DLGAP1: variants seen among roughly 807,000 people sequenced by gnomAD.
DLGAP1 encodes the protein disks large-associated protein 1.
In DLGAP1, 11 loss-of-function variants were observed where a neutral mutation model predicts 90.8. The observed-to-expected ratio is 0.12, with a 90% CI of 0.08 to 0.20. The LOEUF is 0.20. Ranked by LOEUF, DLGAP1 falls within the 10% of genes least tolerant of loss-of-function variation. DLGAP1 has a pLI of 1.00. For synonymous variants in DLGAP1, 558 were observed against 540.7 expected (o/e 1.03, Z -0.44); for missense variants, 1,050 against 1,333.8 (o/e 0.79, Z 3.31).
At chr18:3,957,248 A>T (rs761634239) in intron 3 of DLGAP1, among the ~76,000 whole-genome samples, 6 of 152,138 alleles carry the variant, frequency 3.9e-5, no homozygotes, top group Non-Finnish European at 8.8e-5. Context: ...TGGAAGAAGG[A>T]GCCAGGAGCC....
chr18:3,981,405 C>T (rs2073725950), intron 3 of DLGAP1, among the ~76,000 whole-genome samples: 1 of 152,262 alleles, frequency 6.6e-6, no homozygotes, highest in Non-Finnish European at 1.5e-5. Context: ...CATGAGGATT[C>T]AGACCTGGCG....
chr18:4,302,036 T>C (rs944573289), intron 1 of DLGAP1, among the ~76,000 whole-genome samples: 2 of 152,212 alleles, frequency 1.3e-5, no homozygotes, highest in Non-Finnish European at 2.9e-5. Context: ...ATATTGGATA[T>C]TAACCACTTA....
chr18:3,587,683 C>T (rs754687028), intron 7 of DLGAP1, among the ~76,000 whole-genome samples: 9 of 152,178 alleles, frequency 5.9e-5, no homozygotes, highest in Admixed American at 1.3e-4. Context: ...TTTGGGTCCA[C>T]ACTACCTTTA....
At chr18:3,720,393 T>C (rs1226159449) in intron 7 of DLGAP1, among the ~76,000 whole-genome samples, 1 of 152,250 alleles carries the variant, frequency 6.6e-6, no homozygotes, top group Non-Finnish European at 1.5e-5. Flanking sequence ...GATTTGTCAT[T>C]AAAATAAATG....
In DLGAP1 at chr18:3,860,113, T is replaced by TAAATAAAAAATAA. The variant is rs1555695349; in HGVS notation, c.957+18998_957+18999insTTATTTTTTATTT. 7.1e-3 allele frequency among the ~76,000 whole-genome samples: 1,017 copies of TAAATAAAAAATAA among 142,242 alleles called. 14 individuals are homozygous for TAAATAAAAAATAA. The highest frequency in any genetic ancestry group is 0.022 in the African/African-American group (836 of 38,466). 93.3% of individuals were successfully genotyped at this position (142,242 alleles called of 152,430 possible). A position where few individuals can be genotyped will look rare whatever the true frequency, so the allele number is the denominator to read the frequency against. ...GACTCTGTCTCAAAAAATAAATAAA[T>TAAATAAAAAATAA]AAATAAATTTGCATTGTATTAAGGC... On this transcript the variant is annotated intron_variant, in intron 4 of 12. Transcript: ENST00000315677.
intron 7 of DLGAP1, chr18:3,607,132 C>CT (rs1426962097): frequency 6.6e-6 from 1 of 152,212 alleles, no homozygotes; most frequent in Non-Finnish European, 1.5e-5. Flanking sequence ...CGCGCCTGGC[C>CT]TAGATTATGG....
At chr18:3,832,203 C>G (rs1181876550) in intron 4 of DLGAP1, among the ~76,000 whole-genome samples, 4 of 152,240 alleles carry the variant, frequency 2.6e-5, no homozygotes, top group Non-Finnish European at 5.9e-5. Context: ...AGTATCCTCT[C>G]TCTGTCACAC....
At chr18:4,015,111 G>A (rs1047214097) in intron 2 of DLGAP1, among the ~76,000 whole-genome samples, 8 of 152,140 alleles carry the variant, frequency 5.3e-5, no homozygotes, top group Admixed American at 5.2e-4. Flanking sequence ...ATGCATTCCT[G>A]ACGGTGACTC....
At chr18:4,148,482 C>A (rs2076622551) in intron 2 of DLGAP1, among the ~76,000 whole-genome samples, 1 of 152,170 alleles carries the variant, frequency 6.6e-6, no homozygotes, top group South Asian at 2.1e-4. Flanking sequence ...GAGCAGTAAA[C>A]TAATGAGGGG....
intron 1 of DLGAP1, among the ~76,000 whole-genome samples, chr18:4,234,102 T>C (rs2078355151): frequency 6.8e-6 from 1 of 148,062 alleles, no homozygotes; most frequent in South Asian, 2.1e-4. Flanking sequence ...TCTTTTTTGC[T>C]ATTTTTTTTT....
chr18:4,015,487 C>T (rs551227832), intron 2 of DLGAP1, among the ~76,000 whole-genome samples: 2 of 152,264 alleles, frequency 1.3e-5, no homozygotes, highest in African/African-American at 4.8e-5. Context: ...GTGTGTTGAC[C>T]ACACACTTTC....
chr18:3,557,208 C>T (rs79208243), intron 9 of DLGAP1, among the ~76,000 whole-genome samples: 1 of 152,176 alleles, frequency 6.6e-6, no homozygotes, highest in African/African-American at 2.4e-5. Context: ...CTGCTTTTGC[C>T]TCATTCCATA....
Position 4,455,132 on chromosome 18 carries a change from G to C in DLGAP1, c.-393C>G, listed in dbSNP as rs558692152. 1 of 151,900 alleles carries C rather than the reference G, an allele frequency of 6.6e-6. No homozygotes were observed. Among genetic ancestry groups the C allele is most frequent in the Non-Finnish European group, 1.5e-5 (1 of 68,032 alleles). 9.4% of individuals were successfully genotyped at this position (151,900 alleles called of 1,614,324 possible). A position where few individuals can be genotyped will look rare whatever the true frequency, so the allele number is the denominator to read the frequency against. On this transcript the variant is annotated 5_prime_UTR_variant, in exon 1 of 13. Transcript: ENST00000315677. ...CTCAGCGAGGTGACGGGAAGGACTCGAGAGAGGAGCCGAGGCGGCGGCGGC... is the reference window on the plus strand; with the variant it reads ...CTCAGCGAGGTGACGGGAAGGACTCCAGAGAGGAGCCGAGGCGGCGGCGGC...
At chr18:3,672,385 C>G (rs2060121476) in intron 7 of DLGAP1, among the ~76,000 whole-genome samples, 1 of 151,714 alleles carries the variant, frequency 6.6e-6, no homozygotes, top group African/African-American at 2.4e-5. Context: ...CGAGACCAGC[C>G]TGGGCAATAT....
intron 6 of DLGAP1, among the ~76,000 whole-genome samples, chr18:3,738,006 A>G (rs377678822): frequency 0.04 from 6,065 of 151,002 alleles, 166 homozygotes; most frequent in Non-Finnish European, 0.06. Context: ...CCAAATCATG[A>G]GTGAACTCCC....
intron 1 of DLGAP1, among the ~76,000 whole-genome samples, chr18:4,265,772 T>A (rs2079117611): frequency 6.6e-6 from 1 of 150,550 alleles, no homozygotes; most frequent in South Asian, 2.1e-4. Flanking sequence ...ACTGCAGCCT[T>A]GACCTCCCCG....
In DLGAP1 at chr18:4,422,721, A is replaced by G. The variant is rs148382322; in HGVS notation, c.-267+32285T>C. On this transcript the variant is annotated intron_variant, in intron 1 of 12. Coordinates refer to ENST00000315677, the MANE Select transcript of DLGAP1 (RefSeq NM_004746.4). ...AAATGTGAACCACCTTAGCAAAAAT[A>G]TTAATACTAGCATTATCCATGTATT... 3.8e-3 allele frequency among the ~76,000 whole-genome samples: 572 copies of G among 152,236 alleles called. 2 individuals carry two copies. Among genetic ancestry groups the G allele is most frequent in the Non-Finnish European group, 5.6e-3 (381 of 67,986 alleles).
rs1262436667 is a variant in DLGAP1, at chr18:4,029,976, T to A, written c.-158-24775A>T. Among the ~76,000 whole-genome samples, 4 of 152,224 alleles carry A rather than the reference T, an allele frequency of 2.6e-5. No homozygotes were observed. The East Asian group carries it at 7.7e-4, about 29-fold the overall frequency. On this transcript the variant is annotated intron_variant, in intron 2 of 12. Transcript: ENST00000315677. Reference sequence around the variant, plus strand: ...TATTGCCTTTCTCCTCCCACTAGAATGTAAACTCCATTAAGAAATTATTAT... The same window carrying A: ...TATTGCCTTTCTCCTCCCACTAGAAAGTAAACTCCATTAAGAAATTATTAT...
chr18:3,729,098 C>T lies in DLGAP1; in HGVS notation c.1591+37G>A, dbSNP rs749368156. ...TTGGGGACAGTCGTGCCATAGCCAGCACAGGGGCCAGGCTGGCTGAGGGCC... is the reference window on the plus strand; with the variant it reads ...TTGGGGACAGTCGTGCCATAGCCAGTACAGGGGCCAGGCTGGCTGAGGGCC... On this transcript the variant is annotated intron_variant, in intron 7 of 12. Transcript: ENST00000315677. The surrounding 1 kb of genome is among the most constrained non-coding windows in gnomAD (Gnocchi z 6.2). 3.8e-6 allele frequency: 6 copies of T among 1,573,502 alleles called. No individual in the cohort carries two copies. The Admixed American group carries it at 8.5e-5, about 22-fold the overall frequency.
Sources: allele counts gnomAD v4.1 joint callset (sites outside exome capture counted in the v4.1 genomes callset), GRCh38; gene constraint gnomAD v4.1.1; non-coding constraint Gnocchi (gnomAD v3.1); transcripts MANE v1.5; gene names NCBI Gene and HGNC (gene_info 2026-07-23, HGNC 2026-07-21).